The following BMP1 variants were observed in gnomAD, a reference collection of about 807,000 sequenced individuals.
The protein encoded by BMP1 is bone morphogenetic protein 1.
BMP1 carries 63 observed loss-of-function variants against 116.8 expected under a neutral mutation model. The ratio of observed to expected loss-of-function variants is 0.54; its 90% CI spans 0.44 to 0.67. The LOEUF is 0.67. Among genes scored for constraint, BMP1 ranks in the 30% least tolerant of loss-of-function variants. BMP1 has a pLI of 0.00. For synonymous variants in BMP1, 536 were observed against 533.4 expected (o/e 1.00, Z -0.07); for missense variants, 1,183 against 1,358.9 (o/e 0.87, Z 2.04).
rs113877395 is a variant in BMP1 at position 22,181,507 on chromosome 8, G to A, written c.1077+1024G>A. Among the ~76,000 whole-genome samples, 486 of 152,206 alleles carry A rather than the reference G, an allele frequency of 3.2e-3. 1 individual carries two copies. The highest frequency in any genetic ancestry group is 6.8e-3 in the Middle Eastern group (2 of 294). ...TGTTTGAATACCTAAGGTGATGAGA[G>A]GCTCACTACTTTTCAGAATAATTCA... On this transcript the variant is annotated intron_variant, in intron 8 of 19. Transcript: ENST00000306385.
rs749806986 is a variant in BMP1 at position 22,194,178 on chromosome 8, C to A, written c.1297+4C>A. 1.2e-6 allele frequency: 2 copies of A among 1,613,114 alleles called. No homozygotes were observed. The highest frequency in any genetic ancestry group is 1.3e-5 in the African/African-American group (1 of 74,898). On this transcript the variant is annotated splice_donor_region_variant and intron_variant, in intron 10 of 19. Transcript: ENST00000306385. The surrounding 1 kb of genome is among the most constrained non-coding windows in gnomAD (Gnocchi z 4.5). The stretch of plus-strand genomic sequence containing the variant: ...GGCTTCTTTGCAGTCTACGAAGGTA[C>A]TGAGGAAGGCGGCGGGCGGGAGGAG...
Position 22,197,482 on chromosome 8 carries a change from C to G in BMP1, c.2107+62C>G. The G allele has an allele frequency of 5.2e-6, 8 of 1,540,160 alleles. No homozygotes were observed. The Middle Eastern group carries it at 6.9e-4, about 133-fold the overall frequency. On this transcript the variant is annotated intron_variant, in intron 15 of 19. Coordinates refer to ENST00000306385, the MANE Select transcript of BMP1 (RefSeq NM_006129.5). Reference sequence around the variant, plus strand: ...CCTCGGAGAACAGGGCTCCCTTTCTCCCTGCCCCTGCACCCCTGTACTCCC... The same window carrying G: ...CCTCGGAGAACAGGGCTCCCTTTCTGCCTGCCCCTGCACCCCTGTACTCCC...
intron 15 of BMP1, chr8:22,201,026 C>A: frequency 2.4e-6 from 1 of 424,322 alleles, no homozygotes; most frequent in Non-Finnish European, 4.2e-6. Flanking sequence ...ACCTCAGAGG[C>A]CCTGGGTCTG....
intron 8 of BMP1, 83 bp from the exon 9 acceptor site, chr8:22,191,966 C>A: frequency 1.6e-6 from 2 of 1,274,808 alleles, no homozygotes; most frequent in Non-Finnish European, 2.2e-6. Flanking sequence ...TCGCGTAAGG[C>A]GGGCGGTGGT....
At chr8:22,189,316 T>G (rs11994254) in intron 8 of BMP1, among the ~76,000 whole-genome samples, 3,114 of 151,984 alleles carry the variant, frequency 0.02, 74 homozygotes, top group East Asian at 0.074. Flanking sequence ...AGCAATGAAT[T>G]GTGGTCGCCG....
chr8:22,201,429 T>C (rs558212839), intron 15 of BMP1: 6 of 1,416,510 alleles, frequency 4.2e-6, no homozygotes, highest in Admixed American at 6.3e-5. Flanking sequence ...GTCTGTGACA[T>C]TTCCTGTTGT....
intron 15 of BMP1, chr8:22,201,408 A>G: frequency 7.0e-7 from 1 of 1,423,728 alleles, no homozygotes; most frequent in Non-Finnish European, 9.1e-7. Flanking sequence ...ACCCCCTCCC[A>G]TTTTGATGGT....
chr8:22,170,054 GC>G (rs1034378404), intron 1 of BMP1: 17 of 152,514 alleles, frequency 1.1e-4, no homozygotes, highest in Admixed American at 1.0e-3. Flanking sequence ...CCCAGCTCCT[GC>G]CCCTAAGGCT....
At chr8:22,209,739 C>T in intron 19 of BMP1, 44 bp downstream of exon 19, 3 of 1,589,950 alleles carry the variant, frequency 1.9e-6, no homozygotes, top group Non-Finnish European at 2.6e-6. Context: ...TGCCCCACGC[C>T]CCACACTGTC....
intron 13 of BMP1, 68 bp from the exon 14 acceptor site, chr8:22,196,612 C>A (rs1416513567): frequency 4.7e-5 from 75 of 1,603,438 alleles, no homozygotes; most frequent in Non-Finnish European, 6.0e-5. Context: ...TGCATCCCAG[C>A]CCACATCTCA....
intron 16 of BMP1, among the ~76,000 whole-genome samples, chr8:22,205,923 A>G (rs1259918861): frequency 6.6e-6 from 1 of 152,162 alleles, no homozygotes; most frequent in Non-Finnish European, 1.5e-5. Context: ...CCCTCAAGGA[A>G]CCGAGAGGCC....
chr8:22,200,495 G>A (rs544534702), intron 15 of BMP1, among the ~76,000 whole-genome samples: 117 of 152,262 alleles, frequency 7.7e-4, no homozygotes, highest in Middle Eastern at 3.4e-3. Context: ...CAGGCTGGGC[G>A]GGCAAGTGAG....
chr8:22,180,631 G>C lies in BMP1; in HGVS notation c.1077+148G>C, dbSNP rs79378486. The C allele has an allele frequency of 0.3, 197,170 of 652,160 alleles. 31,723 individuals carry two copies. The highest frequency in any genetic ancestry group is 0.45 in the East Asian group (16,203 of 36,202). The allele number at this position is 652,160 out of a possible 1,614,324, so 40.4% of individuals were successfully genotyped here. ...AAGTCCAGAGCGCTGATGGAGCACG[G>C]CTGTAGGAAGGGGCTCCTGGCATTC... is the stretch of plus-strand genomic sequence containing the variant. On this transcript the variant is annotated intron_variant, in intron 8 of 19. Transcript: ENST00000306385.
Position 22,165,565 on chromosome 8 carries a change from C to A in BMP1, c.148+12C>A. The stretch of plus-strand genomic sequence containing the variant: ...CCCCTGCAAGGCGGGTGAGCGCCCC[C>A]CGGCCCCCCGGCGACGGGCCAGGCG... On this transcript the variant is annotated intron_variant, in intron 1 of 19. Coordinates refer to ENST00000306385, the MANE Select transcript of BMP1 (RefSeq NM_006129.5). 1 of 1,571,844 alleles carries A rather than the reference C, an allele frequency of 6.4e-7. No individual in the cohort carries two copies. Among genetic ancestry groups the A allele is most frequent in the Non-Finnish European group, 8.6e-7 (1 of 1,163,202 alleles).
intron 19 of BMP1, among the ~76,000 whole-genome samples, chr8:22,210,359 C>A (rs1293157866): frequency 7.0e-6 from 1 of 142,794 alleles, no homozygotes; most frequent in Non-Finnish European, 1.5e-5. Flanking sequence ...TTGCAGCTGC[C>A]TCTTCTTCTT....
chr8:22,178,312 C>T (rs771551373), intron 6 of BMP1, among the ~76,000 whole-genome samples: 3 of 152,210 alleles, frequency 2.0e-5, no homozygotes, highest in East Asian at 1.9e-4. Context: ...TTGTTTGAGA[C>T]AGGATCTTGC....
Position 22,211,808 on chromosome 8 carries a change from A to C in BMP1, c.*80A>C. 6.2e-7 allele frequency: 1 copy of C among 1,600,352 alleles called. No homozygotes were observed. Among genetic ancestry groups the C allele is most frequent in the Non-Finnish European group, 8.5e-7 (1 of 1,172,572 alleles). On this transcript the variant is annotated 3_prime_UTR_variant, in exon 20 of 20. Coordinates refer to ENST00000306385, the MANE Select transcript of BMP1 (RefSeq NM_006129.5). ...TGGATAGTGGGGGTGGGCGGAAGGC[A>C]ACGCACCATCCCTCTCCCCCAGGCC... is the stretch of plus-strand genomic sequence containing the variant.
At chr8:22,169,541 C>G (rs1032150520) in intron 1 of BMP1, 3 of 152,276 alleles carry the variant, frequency 2.0e-5, no homozygotes, top group Non-Finnish European at 2.9e-5. Context: ...CACCTGTGAT[C>G]GGTCTTCCTG....
rs1336169632 is a variant in BMP1 at position 22,194,725 on chromosome 8, T to C, written c.1445T>C (p.Ile482Thr). The C allele has an allele frequency of 1.2e-6, 2 of 1,602,642 alleles. No homozygotes were observed. The highest frequency in any genetic ancestry group is 1.7e-5 in the Admixed American group (1 of 58,802). ...CACTGATGAAGCCTCGACCCCTAGA[T>C]TGAGCGCCACGACAGCTGTGCCTAC... ...HVGLTFQSFE[I>T]ERHDSCAYDY... Residue 482 changes from isoleucine to threonine, a missense_variant and splice_region_variant, in exon 12 of 20, where the codon ATT (isoleucine) becomes ACT (threonine). By Grantham distance (89) the Ile-to-Thr change is moderately conservative. This residue lies in a region of BMP1 where 956 missense variants were observed against 1,135.2 expected (regional missense o/e 0.84). Coordinates refer to ENST00000306385, the MANE Select transcript of BMP1 (RefSeq NM_006129.5). The surrounding 1 kb of genome is among the most constrained non-coding windows in gnomAD (Gnocchi z 4.5).
Sources: gnomAD v4.1 joint callset for allele counts (sites outside exome capture counted in the v4.1 genomes callset) on GRCh38, gnomAD v4.1.1 for gene constraint, gnomAD v4.1.1 regional missense constraint, Gnocchi (gnomAD v3.1) non-coding constraint, MANE v1.5 for transcripts, NCBI Gene and HGNC (gene_info 2026-07-23, HGNC 2026-07-21) for gene names.